The following CLDN10 variants were observed in gnomAD, a reference collection of about 807,000 sequenced individuals.
CLDN10 encodes claudin-10.
A neutral mutation model predicts 22.9 loss-of-function variants in CLDN10; 15 were observed. That is an observed-to-expected ratio of 0.65 (90% CI 0.44 to 1.01). The LOEUF (loss-of-function observed/expected upper bound fraction) is 1.01. Ranked by LOEUF, CLDN10 falls within the 50% of genes least tolerant of loss-of-function variation. CLDN10 has a pLI of 0.00. For synonymous variants in CLDN10, 114 were observed against 111.4 expected (o/e 1.02, Z -0.15); for missense variants, 247 against 287.8 (o/e 0.86, Z 1.03).
At position 95,560,255 on chromosome 13, in the gene CLDN10, A is replaced by T; in HGVS notation, c.344A>T (p.Lys115Ile). The T allele has an allele frequency of 6.2e-7, 1 of 1,614,194 alleles. No homozygotes were observed. The highest frequency in any genetic ancestry group is 8.5e-7 in the Non-Finnish European group (1 of 1,180,010). Residue 115 changes from lysine (K) to isoleucine (I), a missense_variant, in exon 2 of 5, where the codon AAA (lysine) becomes ATA (isoleucine). Coordinates refer to ENST00000299339, the MANE Select transcript of CLDN10 (RefSeq NM_006984.5). ...GGAGGCTCCGATAAAGCCAAAGCTA[A>T]AATTGCTTGTTTGGCTGGGATTGTA... ...KVGGSDKAKA[K>I]IACLAGIVFI... is the part of the protein sequence containing the mutation.
intron 1 of CLDN10, among the ~76,000 whole-genome samples, chr13:95,531,244 A>G (rs893033830): frequency 2.0e-5 from 3 of 152,196 alleles, no homozygotes; most frequent in African/African-American, 7.2e-5. Flanking sequence ...ATAACAAAAT[A>G]TGGTAGACTT....
intron 1 of CLDN10, among the ~76,000 whole-genome samples, chr13:95,520,864 C>T (rs913413531): frequency 1.3e-5 from 2 of 151,616 alleles, no homozygotes; most frequent in East Asian, 3.9e-4. Flanking sequence ...CCTGTAGTCC[C>T]AGCTAGTTAG....
At chr13:95,541,480 G>C (rs558176502) in intron 1 of CLDN10, among the ~76,000 whole-genome samples, 2 of 152,230 alleles carry the variant, frequency 1.3e-5, no homozygotes, top group Admixed American at 6.5e-5. Context: ...CTCTGCGTCT[G>C]AGCCTCCCTC....
intron 3 of CLDN10, 117 bp from the exon 4 acceptor site, chr13:95,577,114 C>T (rs2043943175): frequency 2.9e-6 from 2 of 696,978 alleles, no homozygotes; most frequent in Non-Finnish European, 4.9e-6. Context: ...ATTTCCTTTA[C>T]AATTTTCAAT....
chr13:95,536,890 A>C (rs1261961152), intron 1 of CLDN10, among the ~76,000 whole-genome samples: 3 of 152,210 alleles, frequency 2.0e-5, no homozygotes, highest in Non-Finnish European at 2.9e-5. Flanking sequence ...TATTTTACAA[A>C]ATGTCTTTGC....
upstream of CLDN10, among the ~76,000 whole-genome samples, chr13:95,552,097 C>A (rs1309715295): frequency 6.6e-6 from 1 of 152,194 alleles, no homozygotes; most frequent in African/African-American, 2.4e-5. Context: ...GCCTGTGCCA[C>A]GCACCGTTTT....
intron 1 of CLDN10, among the ~76,000 whole-genome samples, chr13:95,530,430 A>G (rs2043329124): frequency 6.6e-6 from 1 of 152,120 alleles, no homozygotes; most frequent in South Asian, 2.1e-4. Flanking sequence ...GAATTACTGG[A>G]CTCAAGAGCA....
intron 1 of CLDN10, among the ~76,000 whole-genome samples, chr13:95,537,902 A>T (rs1268061893): frequency 6.6e-6 from 1 of 152,204 alleles, no homozygotes; most frequent in African/African-American, 2.4e-5. Context: ...TTATCTGCCA[A>T]TTGATAAGCA....
At chr13:95,547,127 C>T (rs1215891088) in intron 1 of CLDN10, among the ~76,000 whole-genome samples, 1 of 149,304 alleles carries the variant, frequency 6.7e-6, no homozygotes, top group Non-Finnish European at 1.5e-5. Flanking sequence ...CTCAAGTGAT[C>T]TTGCTGCCTC....
At chr13:95,475,815 TC>T (rs1432855299) in intron 1 of CLDN10, among the ~76,000 whole-genome samples, 2 of 151,608 alleles carry the variant, frequency 1.3e-5, no homozygotes, top group Non-Finnish European at 2.9e-5. Context: ...TCTCTCTCTG[TC>T]CCTCTCTCTC....
At chr13:95,448,307 G>T (rs2042400443) in intron 1 of CLDN10, among the ~76,000 whole-genome samples, 1 of 151,926 alleles carries the variant, frequency 6.6e-6, no homozygotes, top group Non-Finnish European at 1.5e-5. Context: ...CATTTGCCAT[G>T]CAATCATACA....
intron 1 of CLDN10, among the ~76,000 whole-genome samples, chr13:95,518,616 C>G (rs2043193670): frequency 6.6e-6 from 1 of 152,050 alleles, no homozygotes; most frequent in East Asian, 1.9e-4. Context: ...ATTAGCTGGG[C>G]ATGGTGGTGG....
intron 1 of CLDN10, among the ~76,000 whole-genome samples, chr13:95,518,768 A>C (rs2043196175): frequency 6.6e-6 from 1 of 152,176 alleles, no homozygotes; most frequent in Non-Finnish European, 1.5e-5. Context: ...AAAAAAAAAA[A>C]ATAAATAAAT....
rs574456943 is a variant in CLDN10 at position 95,463,149 on chromosome 13, A to C, written c.214+29102A>C. On this transcript the variant is annotated intron_variant, in intron 1 of 4. Transcript: ENST00000376873. ...TTCTCTCCATTGTTTTGCCCATAAGAGCATTTGAGTTTGACTCTTAACTAT... is the reference window on the plus strand; with the variant it reads ...TTCTCTCCATTGTTTTGCCCATAAGCGCATTTGAGTTTGACTCTTAACTAT... Among the ~76,000 whole-genome samples the C allele has an allele frequency of 1.2e-3, 184 of 151,540 alleles. 1 individual carries two copies. Among genetic ancestry groups the C allele is most frequent in the African/African-American group, 4.1e-3 (169 of 41,328 alleles).
chr13:95,497,002 T>C (rs1194665811), intron 1 of CLDN10: 1 of 152,032 alleles, frequency 6.6e-6, no homozygotes, highest in Non-Finnish European at 1.5e-5. Flanking sequence ...CTTGGGTAAG[T>C]TTCTCAATCT....
chr13:95,435,289 C>A (rs910342079), intron 1 of CLDN10, among the ~76,000 whole-genome samples: 17 of 152,080 alleles, frequency 1.1e-4, no homozygotes, highest in African/African-American at 3.6e-4. Context: ...AAAATATAGA[C>A]TTTTCACAGT....
intron 1 of CLDN10, among the ~76,000 whole-genome samples, chr13:95,523,342 G>A (rs34451357): frequency 0.1 from 15,157 of 152,038 alleles, 928 homozygotes; most frequent in Middle Eastern, 0.13. Context: ...TGACCTATAT[G>A]CAATTCTTGT....
At chr13:95,541,093 C>T (rs754014448) in intron 1 of CLDN10, among the ~76,000 whole-genome samples, 1 of 152,188 alleles carries the variant, frequency 6.6e-6, no homozygotes, top group Non-Finnish European at 1.5e-5. Context: ...ATTAACCTGC[C>T]GAGGGACCTT....
At chr13:95,480,299 C>T (rs896251539) in intron 1 of CLDN10, among the ~76,000 whole-genome samples, 1 of 152,116 alleles carries the variant, frequency 6.6e-6, no homozygotes, top group African/African-American at 2.4e-5. Context: ...AACCATATCT[C>T]TCTTCTTTCC....
Sources: gnomAD v4.1 joint callset for allele counts (sites outside exome capture counted in the v4.1 genomes callset) on GRCh38, gnomAD v4.1.1 for gene constraint, MANE v1.5 for transcripts, NCBI Gene and HGNC (gene_info 2026-07-23, HGNC 2026-07-21) for gene names.